TECRL: variants seen among roughly 807,000 people sequenced by gnomAD.
TECRL encodes trans-2,3-enoyl-CoA reductase like.
Under a neutral mutation model 52.8 loss-of-function variants are expected in TECRL, and 63 were observed. That is an observed-to-expected ratio of 1.19 (90% confidence interval 0.97 to 1.47). The LOEUF is 1.47. Ranked by LOEUF, TECRL falls within the 40% of genes most tolerant of loss-of-function variation. TECRL has a pLI of 0.00. For missense variants in TECRL, 482 were observed against 429.6 expected (o/e 1.12, Z -1.08); for synonymous variants, 164 against 141.9 (o/e 1.16, Z -1.10).
chr4:64,336,481 G>A (rs1719092772), intron 2 of TECRL, among the ~76,000 whole-genome samples: 1 of 152,000 alleles, frequency 6.6e-6, no homozygotes, highest in Admixed American at 6.6e-5. Flanking sequence ...TTGATTTTTT[G>A]AAGGGTTTTT....
In TECRL at chr4:64,321,017, A is replaced by C. The variant is rs1717863180; in HGVS notation, c.435+1672T>G. On this transcript the variant is annotated intron_variant, in intron 4 of 11. Transcript: ENST00000381210. ...TATTCATTTATTTGTTTGTTCAAAA[A>C]ATATTTATTGAGCTCCTTACTGTAC... Among the ~76,000 whole-genome samples, 3 of 152,066 alleles carry C rather than the reference A, an allele frequency of 2.0e-5. No individual in the cohort carries two copies. The South Asian group carries it at 6.2e-4, about 31-fold the overall frequency.
Position 64,336,891 on chromosome 4 carries a change from G to T in TECRL, c.287-8335C>A, listed in dbSNP as rs192019596. Reference sequence around the variant, plus strand: ...TGAGAGACAGTTTGTTATAATTTCTGTTCTTTTACATTTGCTGAGGAGTGC... The same window carrying T: ...TGAGAGACAGTTTGTTATAATTTCTTTTCTTTTACATTTGCTGAGGAGTGC... On this transcript the variant is annotated intron_variant, in intron 2 of 11. Coordinates refer to ENST00000381210, the MANE Select transcript of TECRL (RefSeq NM_001010874.5). Among the ~76,000 whole-genome samples, 187 of 152,244 alleles carry T rather than the reference G, an allele frequency of 1.2e-3. 5 individuals are homozygous for T. The East Asian group carries it at 0.035, about 28-fold the overall frequency.
At chr4:64,353,511 A>G in intron 2 of TECRL, among the ~76,000 whole-genome samples, 1 of 152,186 alleles carries the variant, frequency 6.6e-6, no homozygotes, top group Non-Finnish European at 1.5e-5. Flanking sequence ...ATAATTGGAT[A>G]TAGAATGTAA....
At chr4:64,398,570 A>G (rs1424454810) in intron 1 of TECRL, among the ~76,000 whole-genome samples, 1 of 152,146 alleles carries the variant, frequency 6.6e-6, no homozygotes, top group Non-Finnish European at 1.5e-5. Context: ...CCCCATAAGC[A>G]GGTGCCATGC....
At chr4:64,346,566 C>T (rs1194055061) in intron 2 of TECRL, among the ~76,000 whole-genome samples, 1 of 152,270 alleles carries the variant, frequency 6.6e-6, no homozygotes, top group Non-Finnish European at 1.5e-5. Flanking sequence ...TACATTGGCC[C>T]CTTTTAGTGA....
chr4:64,357,643 T>G (rs952421202), intron 2 of TECRL, among the ~76,000 whole-genome samples: 1 of 151,548 alleles, frequency 6.6e-6, no homozygotes, highest in African/African-American at 2.4e-5. Flanking sequence ...ATTTTATTCA[T>G]TCTTTATGCC....
chr4:64,277,712 A>T lies in TECRL; in HGVS notation c.*2360T>A, dbSNP rs533631697. 47 of 151,856 alleles carry T rather than the reference A, an allele frequency of 3.1e-4. No homozygotes were observed. The highest frequency in any genetic ancestry group is 6.0e-4 in the Non-Finnish European group (41 of 67,786). The allele number at this position is 151,856 out of a possible 1,614,324, so 9.4% of individuals were successfully genotyped here. The stretch of plus-strand genomic sequence containing the variant: ...ATATAATCTAAGAGCTTTAATGAAC[A>T]TATTTTATAACATATGTATAATCTG... On this transcript the variant is annotated 3_prime_UTR_variant, in exon 12 of 12. Transcript: ENST00000381210.
chr4:64,406,147 GGCGC>G (rs67324937), intron 1 of TECRL, among the ~76,000 whole-genome samples: 6,239 of 146,620 alleles, frequency 0.043, 134 homozygotes, highest in Non-Finnish European at 0.05. Context: ...TTATTTGTTA[GGCGC>G]GCGCGCGCGC....
At chr4:64,325,157 T>G (rs1718173279) in intron 3 of TECRL, among the ~76,000 whole-genome samples, 1 of 152,150 alleles carries the variant, frequency 6.6e-6, no homozygotes, top group Admixed American at 6.6e-5. Context: ...GACAGCCACC[T>G]CTAGGAAGTG....
intron 9 of TECRL, among the ~76,000 whole-genome samples, chr4:64,288,630 C>T (rs1723207843): frequency 6.6e-6 from 1 of 152,128 alleles, no homozygotes; most frequent in Admixed American, 6.5e-5. Context: ...AGTGGTTGGA[C>T]TGAGAAGAAG....
intron 8 of TECRL, among the ~76,000 whole-genome samples, chr4:64,292,835 T>A (rs1182426991): frequency 6.6e-6 from 1 of 151,984 alleles, no homozygotes; most frequent in Non-Finnish European, 1.5e-5. Flanking sequence ...ATAGTTAAGA[T>A]GGTAAATAAT....
chr4:64,338,158 C>A (rs909822733), intron 2 of TECRL, among the ~76,000 whole-genome samples: 2 of 152,044 alleles, frequency 1.3e-5, no homozygotes, highest in Admixed American at 6.6e-5. Flanking sequence ...CTTTGACAAA[C>A]CTGACAAAAA....
intron 2 of TECRL, among the ~76,000 whole-genome samples, chr4:64,360,362 G>C (rs577663551): frequency 9.9e-5 from 15 of 152,104 alleles, no homozygotes; most frequent in Non-Finnish European, 1.5e-4. Flanking sequence ...TCTAAGATTT[G>C]ACAATTCTTT....
chr4:64,307,440 C>T (rs1386158686), intron 6 of TECRL, among the ~76,000 whole-genome samples: 2 of 152,032 alleles, frequency 1.3e-5, no homozygotes, highest in Admixed American at 6.6e-5. Context: ...ACAGGTGACA[C>T]CTATAAAGGT....
intron 2 of TECRL, among the ~76,000 whole-genome samples, chr4:64,372,988 A>C (rs1295356096): frequency 1.3e-5 from 2 of 151,712 alleles, no homozygotes; most frequent in Non-Finnish European, 3.0e-5. Flanking sequence ...CAATTAAGAG[A>C]GAAGTTCTTT....
Position 64,409,425 on chromosome 4 carries a change from A to G in TECRL, c.-74T>C. 3 of 1,556,532 alleles carry G rather than the reference A, an allele frequency of 1.9e-6. No homozygotes were observed. The highest frequency in any genetic ancestry group is 2.4e-5 in the South Asian group (2 of 81,804). On this transcript the variant is annotated 5_prime_UTR_variant, in exon 1 of 12. Transcript: ENST00000381210. The stretch of plus-strand genomic sequence containing the variant: ...AGTGTGTTCCTTTTGCATCAGTTAA[A>G]TACTGCTGGAGAACCTTTGAAAGGT...
chr4:64,350,067 C>A (rs920434584), intron 2 of TECRL, among the ~76,000 whole-genome samples: 32 of 151,042 alleles, frequency 2.1e-4, no homozygotes, highest in Non-Finnish European at 8.8e-5. Flanking sequence ...AGGAAAGAAT[C>A]AACATCTGTC....
chr4:64,308,729 A>T (rs1724496092), intron 6 of TECRL, among the ~76,000 whole-genome samples: 1 of 152,312 alleles, frequency 6.6e-6, no homozygotes, highest in African/African-American at 2.4e-5. Flanking sequence ...AGGCATAAGG[A>T]GATGGTAACA....
intron 1 of TECRL, among the ~76,000 whole-genome samples, chr4:64,394,437 CATTCCACAGACTT>C (rs1300839854): frequency 6.6e-6 from 1 of 152,132 alleles, no homozygotes; most frequent in Non-Finnish European, 1.5e-5. Context: ...AGAATGTATT[CATTCCACAGACTT>C]TAATGTAGAA....
Sources: gnomAD v4.1 joint callset for allele counts (sites outside exome capture counted in the v4.1 genomes callset) on GRCh38, gnomAD v4.1.1 for gene constraint, MANE v1.5 for transcripts, NCBI Gene and HGNC (gene_info 2026-07-23, HGNC 2026-07-21) for gene names.